The following OSMR variants were observed in gnomAD, a reference collection of about 807,000 sequenced individuals.
OSMR encodes the protein oncostatin-M-specific receptor subunit beta.
OSMR carries 81 observed loss-of-function variants against 99.9 expected under a neutral mutation model. That is an observed-to-expected ratio of 0.81 (90% CI 0.68 to 0.97). OSMR has a LOEUF of 0.97. OSMR is among the 50% of genes least tolerant of loss of function. The pLI, the probability that OSMR is intolerant of heterozygous loss-of-function variation, is 0.00. For missense variants in OSMR, 1,099 were observed against 1,153.4 expected, an observed-to-expected ratio of 0.95 and a Z score of 0.68; for synonymous variants, 406 against 410.4, an observed-to-expected ratio of 0.99 and a Z score of 0.13.
At chr5:38,925,843 G>A (rs1037407880) in intron 15 of OSMR, among the ~76,000 whole-genome samples, 5 of 152,136 alleles carry the variant, frequency 3.3e-5, no homozygotes, top group African/African-American at 7.2e-5. Flanking sequence ...ACTCTGTTAG[G>A]GCCTCCAGGG....
At chr5:38,906,439 G>A (rs1034342822) in intron 9 of OSMR, among the ~76,000 whole-genome samples, 1 of 152,120 alleles carries the variant, frequency 6.6e-6, no homozygotes, top group Non-Finnish European at 1.5e-5. Flanking sequence ...ATTATAGTGA[G>A]CAGACATTGA....
At chr5:38,864,794 G>A (rs1741814475) in intron 1 of OSMR, among the ~76,000 whole-genome samples, 2 of 152,054 alleles carry the variant, frequency 1.3e-5, no homozygotes, top group South Asian at 4.1e-4. Flanking sequence ...GAATTGGGAA[G>A]TTTTCAGCTA....
intron 1 of OSMR, among the ~76,000 whole-genome samples, chr5:38,862,217 C>A (rs1446900230): frequency 8.6e-6 from 1 of 116,536 alleles, no homozygotes; most frequent in African/African-American, 3.4e-5. Context: ...CCTCACCTCC[C>A]GGACGGGGCG....
At chr5:38,878,765 AAATC>A (rs1345118777) in intron 3 of OSMR, among the ~76,000 whole-genome samples, 1 of 152,256 alleles carries the variant, frequency 6.6e-6, no homozygotes, top group Non-Finnish European at 1.5e-5. Flanking sequence ...TAAAGAAAAA[AAATC>A]AATGAATTGC....
At chr5:38,928,670 A>G (rs570040224) in intron 15 of OSMR, among the ~76,000 whole-genome samples, 11 of 152,156 alleles carry the variant, frequency 7.2e-5, no homozygotes, top group Admixed American at 2.6e-4. Flanking sequence ...TTTGAGATGA[A>G]ATTTGGGTGG....
intron 17 of OSMR, 160 bp from the exon 18 acceptor site, chr5:38,932,711 GA>G (rs1371040810): frequency 1.0e-6 from 1 of 985,200 alleles, no homozygotes; most frequent in Non-Finnish European, 1.2e-6. Flanking sequence ...TCTGTCAGGG[GA>G]AATCTTTTGG....
intron 1 of OSMR, chr5:38,940,830 C>G (rs1747486790): frequency 4.3e-6 from 1 of 231,896 alleles, no homozygotes. Context: ...TTACAGAGAT[C>G]TCAAAGAACA....
rs145605337 is a variant in OSMR, at chr5:38,859,047, G to A, written c.-13-9985G>A. On this transcript the variant is annotated intron_variant, in intron 1 of 17. Transcript: ENST00000274276. ...TTGCAAATATTTGCTCTCATTCTGCGGGTTTTCTCTTCACTCCGTTGATTG... is the reference window on the plus strand; with the variant it reads ...TTGCAAATATTTGCTCTCATTCTGCAGGTTTTCTCTTCACTCCGTTGATTG... 5.2e-3 allele frequency among the ~76,000 whole-genome samples: 795 copies of A among 152,172 alleles called. 3 individuals are homozygous for A. Among genetic ancestry groups the A allele is most frequent in the African/African-American group, 0.018 (734 of 41,540 alleles).
At chr5:38,924,357 G>A (rs1746371271) in intron 13 of OSMR, 65 bp from the exon 14 acceptor site, 3 of 1,610,240 alleles carry the variant, frequency 1.9e-6, no homozygotes, top group Non-Finnish European at 2.5e-6. Flanking sequence ...TCTATTAGTT[G>A]ACATGAATAT....
intron 1 of OSMR, 65 bp from the exon 2 acceptor site, chr5:38,868,967 T>C (rs1742159736): frequency 1.9e-6 from 3 of 1,573,736 alleles, no homozygotes; most frequent in Non-Finnish European, 2.6e-6. Context: ...CACAATTGGC[T>C]CGAAGAAATT....
At chr5:38,938,860 T>C (rs1005650754), downstream of OSMR, 10 of 233,016 alleles carry the variant, frequency 4.3e-5, no homozygotes, top group Non-Finnish European at 7.6e-5. Flanking sequence ...TTGGAAAATC[T>C]GAAATGTTGG....
chr5:38,887,844 C>A (rs1003651903), intron 7 of OSMR, among the ~76,000 whole-genome samples: 1 of 152,066 alleles, frequency 6.6e-6, no homozygotes, highest in African/African-American at 2.4e-5. Context: ...TTTCTTTAGG[C>A]CTCTGTTAAA....
rs1747744592 is a variant in OSMR, at chr5:38,942,890, G to A, written c.75-1311G>A. ...GTATGAACCTCCGACACGGAAGTCT[G>A]AATGTGCAGTGTGACAGCAAATGGG... On this transcript the variant is annotated intron_variant and NMD_transcript_variant, in intron 1 of 2. Transcript: ENST00000508882. 4 of 1,610,246 alleles carry A rather than the reference G, an allele frequency of 2.5e-6. No individual in the cohort carries two copies. In the South Asian group the frequency reaches 3.3e-5, roughly 13 times the overall value.
At chr5:38,939,265 A>C, downstream of OSMR, 1 of 232,786 alleles carries the variant, frequency 4.3e-6, no homozygotes, top group Non-Finnish European at 8.5e-6. Context: ...TGAAAAACTC[A>C]GCTTGAATTA....
chr5:38,879,960 A>G (rs865864640), intron 3 of OSMR, among the ~76,000 whole-genome samples: 3 of 152,190 alleles, frequency 2.0e-5, no homozygotes, highest in Non-Finnish European at 4.4e-5. Flanking sequence ...TTAAATAGTG[A>G]GGGTTTCATG....
At chr5:38,854,088 G>T (rs887977797) in intron 1 of OSMR, among the ~76,000 whole-genome samples, 6 of 150,672 alleles carry the variant, frequency 4.0e-5, no homozygotes, top group African/African-American at 1.5e-4. Flanking sequence ...TGCAGAACCC[G>T]CAAGAAGTAG....
chr5:38,899,335 C>T (rs1744741228), intron 7 of OSMR, among the ~76,000 whole-genome samples: 1 of 152,096 alleles, frequency 6.6e-6, no homozygotes, highest in Non-Finnish European at 1.5e-5. Flanking sequence ...GCAGTGGGCT[C>T]CTCTGTGTCC....
intron 1 of OSMR, among the ~76,000 whole-genome samples, chr5:38,849,787 C>T (rs1740208878): frequency 6.6e-6 from 1 of 152,186 alleles, no homozygotes; most frequent in South Asian, 2.1e-4. Context: ...ATCAGATTAA[C>T]TGGGTCAGTT....
chr5:38,853,008 G>A (rs1740541778), intron 1 of OSMR, among the ~76,000 whole-genome samples: 2 of 152,084 alleles, frequency 1.3e-5, no homozygotes, highest in South Asian at 4.1e-4. Flanking sequence ...TGGGATTACA[G>A]GCGTGAGCCA....
Sources: allele counts gnomAD v4.1 joint callset (sites outside exome capture counted in the v4.1 genomes callset), GRCh38; gene constraint gnomAD v4.1.1; transcripts MANE v1.5; gene names NCBI Gene and HGNC (gene_info 2026-07-23, HGNC 2026-07-21).